The following SPG11 variants were observed in gnomAD, a reference collection of about 807,000 sequenced individuals.
SPG11 encodes spatacsin.
In SPG11, 222 loss-of-function variants were observed where a neutral mutation model predicts 274.0. The observed-to-expected ratio is 0.81, with a 90% confidence interval of 0.73 to 0.91. The LOEUF (loss-of-function observed/expected upper bound fraction) is 0.91. Ranked by LOEUF, SPG11 falls within the 40% of genes least tolerant of loss-of-function variation. SPG11 has a pLI of 0.00. For synonymous variants in SPG11, 1,144 were observed against 1,039.7 expected (o/e 1.10, Z -1.93); for missense variants, 3,114 against 2,872.7 (o/e 1.08, Z -1.92).
chr15:44,590,122 A>G (rs1280142895), intron 27 of SPG11, among the ~76,000 whole-genome samples: 5 of 152,116 alleles, frequency 3.3e-5, no homozygotes, highest in African/African-American at 4.8e-5. Context: ...ACTTCTTTAA[A>G]GAGGGATGTA....
Position 44,563,154 on chromosome 15 carries a change from T to C in SPG11, c.7299A>G (p.Thr2433=), listed in dbSNP as rs2082228157. Residue 2433 remains threonine (T), a synonymous_variant, in exon 40 of 40, where the codon ACA becomes ACG. Transcript: ENST00000261866. The part of the protein sequence containing the change: ...IVNVLLKDPQ[T]GCCLKDMLAG ...CTAGCATGTCCTTTAGACAGCAACC[T>C]GTCTGAGGGTCCTTCAGAAGCACAT... 6.2e-7 allele frequency: 1 copy of C among 1,614,172 alleles called. No homozygotes were observed. Among genetic ancestry groups the C allele is most frequent in the South Asian group, 1.1e-5 (1 of 91,084 alleles).
Position 44,629,323 on chromosome 15 carries a change from G to A in SPG11, c.1801C>T (p.Pro601Ser), listed in dbSNP as rs775799559. 9.9e-6 allele frequency: 16 copies of A among 1,613,920 alleles called. No individual in the cohort carries two copies. Among genetic ancestry groups the A allele is most frequent in the Non-Finnish European group, 1.3e-5 (15 of 1,179,950 alleles). The change falls in exon 9 of 40, where the codon CCC (proline) becomes TCC (serine). Residue 601 changes from proline to serine, a missense_variant. Physicochemically the swap from Pro to Ser is moderately conservative, Grantham distance 74. Coordinates refer to ENST00000261866, the MANE Select transcript of SPG11 (RefSeq NM_025137.4). ...CSAIRESYSEPQSKHFSEQLL... is the reference protein window; with the variant it reads ...CSAIRESYSESQSKHFSEQLL... ...TGTTCTGAAAAGTGTTTGCTTTGGG[G>A]TTCAGAATAACTTTCTCTAATTGCC...
rs151299495 is a variant in SPG11, at chr15:44,606,031, T to C, written c.3514A>G (p.Ile1172Val). ...AGTACCCATGATGACTTACCTCCTA[T>C]AGCTAGTGTGTTAGCAGACTGCCAG... is the stretch of plus-strand genomic sequence containing the variant. Reference protein sequence around the residue: ...FGWQSANTLAIGDAWSHLPHF... With the variant: ...FGWQSANTLAVGDAWSHLPHF... Residue 1172 changes from isoleucine (I) to valine (V), a missense_variant, in exon 20 of 40, where the codon ATA becomes GTA. Transcript: ENST00000261866. The C allele has an allele frequency of 1.7e-5, 28 of 1,613,426 alleles. No homozygotes were observed. Among genetic ancestry groups the C allele is most frequent in the East Asian group, 2.2e-5 (1 of 44,816 alleles).
chr15:44,572,966 A>G, intron 32 of SPG11, 146 bp from the exon 33 acceptor site: 1 of 469,002 alleles, frequency 2.1e-6, no homozygotes, highest in South Asian at 1.7e-5. Flanking sequence ...TGGTCATTTT[A>G]TAGGACAGGA....
rs1343579217 is a variant in SPG11 at position 44,592,445 on chromosome 15, C to A, written c.4636-7G>T. On this transcript the variant is annotated splice_region_variant and splice_polypyrimidine_tract_variant and intron_variant, in intron 26 of 39. Coordinates refer to ENST00000261866, the MANE Select transcript of SPG11 (RefSeq NM_025137.4). ...CCAGTAGTAACGGGGAATCCTTTGA[C>A]AAAGAGTTTGAAAAAAATTACAAAA... 5 of 1,537,930 alleles carry A rather than the reference C, an allele frequency of 3.3e-6. No homozygotes were observed. The highest frequency in any genetic ancestry group is 4.5e-6 in the Non-Finnish European group (5 of 1,110,908).
At chr15:44,590,657 C>T (rs889961336) in intron 27 of SPG11, 17 of 152,286 alleles carry the variant, frequency 1.1e-4, no homozygotes, top group African/African-American at 4.1e-4. Flanking sequence ...ATTTGGTTCT[C>T]AGTCACTATA....
chr15:44,606,129 ACT>A (rs763266514), intron 19 of SPG11, 38 bp from the exon 20 acceptor site: 1 of 1,586,620 alleles, frequency 6.3e-7, no homozygotes, highest in Non-Finnish European at 8.6e-7. Context: ...TTAGAAGTTC[ACT>A]GATTATAAAA....
intron 6 of SPG11, among the ~76,000 whole-genome samples, chr15:44,649,763 C>T (rs58503450): frequency 7.9e-5 from 12 of 151,732 alleles, no homozygotes; most frequent in African/African-American, 2.2e-4. Flanking sequence ...GGTGTGGTGG[C>T]GGGCACCTGT....
Position 44,601,131 on chromosome 15 carries a change from A to G in SPG11, c.3521-499T>C, listed in dbSNP as rs140434622. On this transcript the variant is annotated intron_variant, in intron 20 of 39. Transcript: ENST00000261866. ...CGCGCCATTGCACTCCAGCCTGGGC[A>G]ACAAGAGTGAAACTTCATTTCAAAA... 6.0e-3 allele frequency among the ~76,000 whole-genome samples: 914 copies of G among 152,302 alleles called. 27 individuals are homozygous for G. In the East Asian group the frequency reaches 0.089, roughly 15 times the overall value.
At chr15:44,636,940 A>C (rs1356636588) in intron 7 of SPG11, among the ~76,000 whole-genome samples, 140 of 116,528 alleles carry the variant, frequency 1.2e-3, no homozygotes, top group Non-Finnish European at 1.8e-3. Context: ...AAAAAAAAAA[A>C]AAAAAAAAAA....
rs2083573055 is a variant in SPG11 at position 44,615,558 on chromosome 15, A to C, written c.2843T>G (p.Val948Gly). 1 of 1,613,964 alleles carries C rather than the reference A, an allele frequency of 6.2e-7. No homozygotes were observed. Among genetic ancestry groups the C allele is most frequent in the Non-Finnish European group, 8.5e-7 (1 of 1,179,992 alleles). Residue 948 changes from valine to glycine, a missense_variant, in exon 16 of 40, where the codon GTT becomes GGT. Transcript: ENST00000261866. ...EILDKLARNG[V>G]FLASELEDFE... Reference sequence around the variant, plus strand: ...GTCTTCCAGTTCAGATGCCAAAAAAACCCCATTCCTATGGACAGATTTATA... The same window carrying C: ...GTCTTCCAGTTCAGATGCCAAAAAACCCCCATTCCTATGGACAGATTTATA...
chr15:44,584,820 G>T (rs1049430567), intron 29 of SPG11, among the ~76,000 whole-genome samples: 3 of 152,012 alleles, frequency 2.0e-5, no homozygotes, highest in African/African-American at 7.2e-5. Context: ...GTAGAGACAG[G>T]GTCTCCCTAT....
chr15:44,646,073 G>A (rs773173972), intron 7 of SPG11, among the ~76,000 whole-genome samples: 26 of 152,166 alleles, frequency 1.7e-4, no homozygotes, highest in Non-Finnish European at 3.4e-4. Flanking sequence ...GCAATTTGGC[G>A]ATTTCTCAAA....
At chr15:44,643,057 C>T (rs368684020) in intron 7 of SPG11, among the ~76,000 whole-genome samples, 37 of 152,218 alleles carry the variant, frequency 2.4e-4, no homozygotes, top group African/African-American at 8.7e-4. Context: ...ATTACTCATT[C>T]ATTTTTATGT....
At chr15:44,608,990 T>C (rs1191933972) in intron 18 of SPG11, among the ~76,000 whole-genome samples, 5 of 152,222 alleles carry the variant, frequency 3.3e-5, no homozygotes, top group African/African-American at 9.6e-5. Flanking sequence ...TCTAAAGTTA[T>C]TCTATGACTG....
chr15:44,643,859 G>A (rs899794125), intron 7 of SPG11, among the ~76,000 whole-genome samples: 3 of 152,062 alleles, frequency 2.0e-5, no homozygotes, highest in African/African-American at 4.8e-5. Context: ...TATCCTTAAT[G>A]AATATAGATA....
At chr15:44,587,849 TA>T in intron 28 of SPG11, among the ~76,000 whole-genome samples, 1 of 152,142 alleles carries the variant, frequency 6.6e-6, no homozygotes, top group East Asian at 1.9e-4. Context: ...TTCTTATAAT[TA>T]TTCAAAGATA....
intron 39 of SPG11, among the ~76,000 whole-genome samples, 171 bp downstream of exon 39, chr15:44,564,376 C>T (rs1040850118): frequency 1.3e-5 from 2 of 152,176 alleles, no homozygotes; most frequent in African/African-American, 4.8e-5. Flanking sequence ...TTGTTGATCT[C>T]TTTGCATAAA....
rs2083970441 is a variant in SPG11 at position 44,628,665 on chromosome 15, T to C, written c.2067+4A>G. ...TAAAAGAAGTGATGATTATTCGTACTTACCTCAAAGCTGAGTTTCTTCCAT... is the reference window on the plus strand; with the variant it reads ...TAAAAGAAGTGATGATTATTCGTACCTACCTCAAAGCTGAGTTTCTTCCAT... On this transcript the variant is annotated splice_donor_region_variant and intron_variant, in intron 10 of 39. Transcript: ENST00000261866. 2 of 1,612,630 alleles carry C rather than the reference T, an allele frequency of 1.2e-6. No individual in the cohort carries two copies. The highest frequency in any genetic ancestry group is 1.7e-6 in the Non-Finnish European group (2 of 1,179,198).
Sources: allele counts gnomAD v4.1 joint callset (sites outside exome capture counted in the v4.1 genomes callset), GRCh38; gene constraint gnomAD v4.1.1; transcripts MANE v1.5; gene names NCBI Gene and HGNC (gene_info 2026-07-23, HGNC 2026-07-21).